FHIP2A: variants seen among roughly 807,000 people sequenced by gnomAD.
The protein encoded by FHIP2A is family with sequence similarity 160 member B1.
Under a neutral mutation model 93.5 loss-of-function variants are expected in FHIP2A, and 46 were observed. The ratio of observed to expected loss-of-function variants is 0.49; its 90% CI spans 0.39 to 0.63. The LOEUF is 0.63. Ranked by LOEUF, FHIP2A falls within the 20% of genes least tolerant of loss-of-function variation. The pLI is 0.00. For missense variants in FHIP2A, 769 were observed against 909.7 expected (o/e 0.85, Z 1.99); for synonymous variants, 332 against 326.5 (o/e 1.02, Z -0.18).
intron 16 of FHIP2A, among the ~76,000 whole-genome samples, chr10:114,889,471 C>A (rs2083959861): frequency 6.6e-6 from 1 of 152,216 alleles, no homozygotes; most frequent in Non-Finnish European, 1.5e-5. Context: ...TTGTTGGCAC[C>A]TGTGTTGCCC....
intron 16 of FHIP2A, among the ~76,000 whole-genome samples, chr10:114,893,538 T>G (rs1198600775): frequency 6.6e-6 from 1 of 152,216 alleles, no homozygotes. Context: ...TCTACTTATA[T>G]CCCTGAAAAT....
In FHIP2A at chr10:114,862,001, T is replaced by A. The variant is rs2083802985; in HGVS notation, c.*461T>A. 1 of 974,918 alleles carries A rather than the reference T, an allele frequency of 1.0e-6. No homozygotes were observed. Among genetic ancestry groups the A allele is most frequent in the Admixed American group, 6.1e-5 (1 of 16,270 alleles). 60.4% of individuals were successfully genotyped at this position (974,918 alleles called of 1,614,324 possible). A position where few individuals can be genotyped will look rare whatever the true frequency, so the allele number is the denominator to read the frequency against. ...TATAACTTTTTAAGGTCAGAATTCT[T>A]ATCAAACAAAATATGAAAACTGTAA... On this transcript the variant is annotated 3_prime_UTR_variant, in exon 17 of 17. Transcript: ENST00000369248.
At position 114,861,261 on chromosome 10, in the gene FHIP2A, C is replaced by A; in HGVS notation, c.2119C>A (p.Arg707Ser). ...VVGDLMLRIQ[R>S]IQDFTPKLLL... is the part of the protein sequence containing the mutation. ...TGGAGACCTTATGCTTCGAATCCAG[C>A]GTATTCAAGACTTTACTCCCAAGCT... The change falls in exon 16 of 17, where the codon CGT becomes AGT. Residue 707 changes from arginine to serine, a missense_variant. Arg to Ser is a moderately radical substitution (Grantham distance 110). Coordinates refer to ENST00000369248, the MANE Select transcript of FHIP2A (RefSeq NM_020940.4). 6.2e-7 allele frequency: 1 copy of A among 1,614,134 alleles called. No homozygotes were observed.
At chr10:114,881,964 G>A (rs778307098) in intron 16 of FHIP2A, among the ~76,000 whole-genome samples, 4 of 152,210 alleles carry the variant, frequency 2.6e-5, no homozygotes, top group Non-Finnish European at 5.9e-5. Context: ...GTCTGTGTGC[G>A]TGTCTGTATG....
intron 16 of FHIP2A, among the ~76,000 whole-genome samples, chr10:114,885,437 T>G (rs1566388256): frequency 6.6e-6 from 1 of 152,100 alleles, no homozygotes; most frequent in South Asian, 2.1e-4. Flanking sequence ...ATGACCCTTT[T>G]TCTCTATCCT....
At chr10:114,882,098 T>C (rs1020219459) in intron 16 of FHIP2A, among the ~76,000 whole-genome samples, 1 of 152,242 alleles carries the variant, frequency 6.6e-6, no homozygotes, top group Admixed American at 6.5e-5. Context: ...ACTGTGCCGC[T>C]GTGAGCATAA....
At chr10:114,892,389 G>A (rs2083979571) in intron 16 of FHIP2A, among the ~76,000 whole-genome samples, 1 of 152,178 alleles carries the variant, frequency 6.6e-6, no homozygotes, top group African/African-American at 2.4e-5. Flanking sequence ...GCTCACGCCT[G>A]TAATCCCAGT....
intron 14 of FHIP2A, among the ~76,000 whole-genome samples, chr10:114,857,314 C>T (rs117445669): frequency 9.9e-5 from 12 of 120,698 alleles, no homozygotes; most frequent in Middle Eastern, 4.9e-3. Flanking sequence ...ATTTCTTCTT[C>T]TTTTTTTTTT....
chr10:114,869,139 C>T (rs1231476167), downstream of FHIP2A, among the ~76,000 whole-genome samples: 1 of 152,090 alleles, frequency 6.6e-6, no homozygotes, highest in African/African-American at 2.4e-5. Context: ...CTGGATAAAG[C>T]TATATTTCAA....
At chr10:114,899,778 A>T (rs2143016964) in exon 17 of FHIP2A, 1 of 435,134 alleles carries the variant, frequency 2.3e-6, no homozygotes, top group South Asian at 6.3e-5. Context: ...TTCCACCACA[A>T]GTATAAAAAA....
intron 16 of FHIP2A, among the ~76,000 whole-genome samples, chr10:114,885,335 C>T (rs1197596192): frequency 1.4e-5 from 2 of 148,128 alleles, no homozygotes; most frequent in African/African-American, 2.5e-5. Context: ...GCGTAGGTTA[C>T]AGTGAGCAGG....
At chr10:114,857,519 A>G (rs998192380) in intron 14 of FHIP2A, among the ~76,000 whole-genome samples, 1 of 152,114 alleles carries the variant, frequency 6.6e-6, no homozygotes, top group East Asian at 1.9e-4. Flanking sequence ...CATATTGCTC[A>G]GGCTGGTCTT....
chr10:114,882,709 C>A (rs1482706749), intron 16 of FHIP2A, among the ~76,000 whole-genome samples: 1 of 152,054 alleles, frequency 6.6e-6, no homozygotes, highest in African/African-American at 2.4e-5. Context: ...CCCGTCTCTA[C>A]TAAAAATACA....
chr10:114,838,084 G>A (rs1051287641), intron 5 of FHIP2A, among the ~76,000 whole-genome samples: 2 of 152,176 alleles, frequency 1.3e-5, no homozygotes, highest in Admixed American at 6.5e-5. Flanking sequence ...ATAAGAAACC[G>A]CCAAACTGTT....
intron 1 of FHIP2A, among the ~76,000 whole-genome samples, chr10:114,828,410 T>C (rs1426544167): frequency 6.6e-6 from 1 of 152,218 alleles, no homozygotes; most frequent in African/African-American, 2.4e-5. Flanking sequence ...ACTCCTCATA[T>C]ACCCAGGAGG....
chr10:114,851,501 T>C (rs1260580933), intron 13 of FHIP2A, among the ~76,000 whole-genome samples: 1 of 152,054 alleles, frequency 6.6e-6, no homozygotes, highest in East Asian at 1.9e-4. Flanking sequence ...ACTTTAAGTG[T>C]AAAGTTTATT....
chr10:114,890,036 C>CT (rs113875312), intron 16 of FHIP2A, among the ~76,000 whole-genome samples: 17,638 of 151,082 alleles, frequency 0.12, 1,167 homozygotes, highest in East Asian at 0.2. Flanking sequence ...ATTTTCTTTT[C>CT]TTTTTTTTTG....
At chr10:114,855,122 A>G (rs1188031648) in intron 13 of FHIP2A, 75 bp from the exon 14 acceptor site, 5 of 1,505,058 alleles carry the variant, frequency 3.3e-6, no homozygotes, top group Non-Finnish European at 3.6e-6. Context: ...TTATATGCCT[A>G]TTTAATGAAA....
rs749707808 is a variant in FHIP2A at position 114,846,544 on chromosome 10, C to T, written c.1399-15C>T. 1 of 1,566,544 alleles carries T rather than the reference C, an allele frequency of 6.4e-7. No individual in the cohort carries two copies. Among genetic ancestry groups the T allele is most frequent in the African/African-American group, 1.4e-5 (1 of 72,962 alleles). ...AAGACATTTTTCAGTTAGCTTTTAT[C>T]AATTTTGGTTTCAGATAAGCATAAT... On this transcript the variant is annotated splice_polypyrimidine_tract_variant and intron_variant, in intron 10 of 16. Coordinates refer to ENST00000369248, the MANE Select transcript of FHIP2A (RefSeq NM_020940.4).
Sources: allele counts gnomAD v4.1 joint callset (sites outside exome capture counted in the v4.1 genomes callset), GRCh38; gene constraint gnomAD v4.1.1; transcripts MANE v1.5; gene names NCBI Gene and HGNC (gene_info 2026-07-23, HGNC 2026-07-21).